Variants in MAP3K7CL observed in about 807,000 individuals in gnomAD.
MAP3K7CL encodes MAP3K7 C-terminal-like protein.
Under a neutral mutation model 18.6 loss-of-function variants are expected in MAP3K7CL, and 16 were observed. The observed-to-expected ratio is 0.86, with a 90% CI of 0.58 to 1.31. The LOEUF is 1.31. Among genes scored for constraint, MAP3K7CL ranks in the 50% most tolerant of loss-of-function variants. MAP3K7CL has a pLI of 0.00. For missense variants in MAP3K7CL, 163 were observed against 174.4 expected, an observed-to-expected ratio of 0.93 and a Z score of 0.37; for synonymous variants, 65 against 66.8, an observed-to-expected ratio of 0.97 and a Z score of 0.13.
At chr21:29,096,531 C>T (rs1224781782) in intron 4 of MAP3K7CL, among the ~76,000 whole-genome samples, 1 of 152,114 alleles carries the variant, frequency 6.6e-6, no homozygotes, top group Non-Finnish European at 1.5e-5. Flanking sequence ...GGCAATGGCT[C>T]CAGGCAGAGG....
intron 4 of MAP3K7CL, among the ~76,000 whole-genome samples, chr21:29,161,331 T>A (rs1408273360): frequency 6.6e-6 from 1 of 152,056 alleles, no homozygotes; most frequent in East Asian, 1.9e-4. Flanking sequence ...AATTTTTTTT[T>A]TACAGATGGG....
In MAP3K7CL at chr21:29,165,813, C is replaced by G. The variant is rs73350622; in HGVS notation, c.248+5757C>G. Among the ~76,000 whole-genome samples the G allele has an allele frequency of 8.6e-3, 1,313 of 152,280 alleles. 26 individuals are homozygous for G. The highest frequency in any genetic ancestry group is 0.03 in the African/African-American group (1,253 of 41,572). On this transcript the variant is annotated intron_variant, in intron 4 of 4. Transcript: ENST00000399928. ...TCTCAAACTCCTGGCCTCAAGTGAT[C>G]GGGCTGCTAAAGTGCTGGGATTACA...
intron 4 of MAP3K7CL, among the ~76,000 whole-genome samples, chr21:29,100,915 G>T (rs8133069): frequency 4.2e-4 from 64 of 151,492 alleles, no homozygotes; most frequent in African/African-American, 1.4e-3. Flanking sequence ...GGTTTCACCG[G>T]GTTAGCCAGG....
chr21:29,131,817 G>GTATATA (rs55952827), intron 1 of MAP3K7CL, among the ~76,000 whole-genome samples: 2 of 151,856 alleles, frequency 1.3e-5, no homozygotes, highest in Non-Finnish European at 2.9e-5. Flanking sequence ...AAATATACAT[G>GTATATA]TATATATATA....
chr21:29,094,390 A>G (rs560565822), intron 4 of MAP3K7CL, among the ~76,000 whole-genome samples: 3 of 152,340 alleles, frequency 2.0e-5, no homozygotes, highest in Non-Finnish European at 2.9e-5. Flanking sequence ...CTCCATCCCA[A>G]CATTTTCTGA....
chr21:29,116,825 A>G (rs1215172965), intron 4 of MAP3K7CL, among the ~76,000 whole-genome samples: 1 of 152,182 alleles, frequency 6.6e-6, no homozygotes, highest in Non-Finnish European at 1.5e-5. Context: ...AATCAGCTAT[A>G]GTTAGTCCAA....
At chr21:29,093,638 C>T (rs982317664) in intron 4 of MAP3K7CL, among the ~76,000 whole-genome samples, 12 of 151,996 alleles carry the variant, frequency 7.9e-5, no homozygotes, top group South Asian at 6.2e-4. Context: ...CCCGCCACCA[C>T]GCCGGGCTAA....
intron 4 of MAP3K7CL, among the ~76,000 whole-genome samples, chr21:29,123,387 G>A (rs923085952): frequency 2.0e-5 from 3 of 152,056 alleles, no homozygotes; most frequent in South Asian, 2.1e-4. Flanking sequence ...AATGTTATTC[G>A]CTGTCTATGA....
intron 4 of MAP3K7CL, among the ~76,000 whole-genome samples, chr21:29,098,532 A>G (rs2086163825): frequency 6.6e-6 from 1 of 152,198 alleles, no homozygotes; most frequent in South Asian, 2.1e-4. Context: ...TATTTTCTGA[A>G]TTTCCATTAC....
At chr21:29,088,467 T>C (rs1036613530) in intron 1 of MAP3K7CL, among the ~76,000 whole-genome samples, 3 of 152,212 alleles carry the variant, frequency 2.0e-5, no homozygotes, top group Non-Finnish European at 2.9e-5. Flanking sequence ...CAAATTCCCT[T>C]TCATAAGCTC....
intron 1 of MAP3K7CL, among the ~76,000 whole-genome samples, chr21:29,079,055 A>G (rs1219241199): frequency 1.3e-5 from 2 of 152,228 alleles, no homozygotes; most frequent in Admixed American, 1.3e-4. Context: ...GGAGATTGCA[A>G]TGCGAGTTGG....
rs1178531173 is a variant in MAP3K7CL, at chr21:29,175,432, A to G, written c.*540A>G. 2.6e-5 allele frequency: 4 copies of G among 152,260 alleles called. No individual in the cohort carries two copies. The highest frequency in any genetic ancestry group is 9.6e-5 in the African/African-American group (4 of 41,466). The allele number at this position is 152,260 out of a possible 1,614,324, so 9.4% of individuals were successfully genotyped here. On this transcript the variant is annotated 3_prime_UTR_variant, in exon 5 of 5. Transcript: ENST00000399928. Reference sequence around the variant, plus strand: ...TTTTTATCCTTCAATGATTGATTATACTAAGAATAAATGGTCACATATCCT... The same window carrying G: ...TTTTTATCCTTCAATGATTGATTATGCTAAGAATAAATGGTCACATATCCT...
At chr21:29,148,754 T>C (rs1025288640) in intron 2 of MAP3K7CL, among the ~76,000 whole-genome samples, 13 of 152,220 alleles carry the variant, frequency 8.5e-5, no homozygotes, top group Non-Finnish European at 1.9e-4. Flanking sequence ...CCATCACAGC[T>C]TGTGGCACTT....
At chr21:29,084,280 C>T (rs1249503767), upstream of MAP3K7CL, among the ~76,000 whole-genome samples, 1 of 151,998 alleles carries the variant, frequency 6.6e-6, no homozygotes, top group Non-Finnish European at 1.5e-5. Flanking sequence ...GACCTTCTTA[C>T]ATTACTATAT....
intron 3 of MAP3K7CL, among the ~76,000 whole-genome samples, chr21:29,157,426 T>C (rs1325193898): frequency 6.6e-6 from 1 of 152,222 alleles, no homozygotes; most frequent in Non-Finnish European, 1.5e-5. Context: ...GAAGTGGTGC[T>C]GAGTTTTATG....
intron 4 of MAP3K7CL, among the ~76,000 whole-genome samples, chr21:29,119,882 C>T (rs2086563952): frequency 6.6e-6 from 1 of 152,050 alleles, no homozygotes; most frequent in Non-Finnish European, 1.5e-5. Flanking sequence ...CCAGGCTGGT[C>T]TTGAACTTCT....
At chr21:29,120,280 C>T (rs1046941771) in intron 4 of MAP3K7CL, among the ~76,000 whole-genome samples, 1 of 151,902 alleles carries the variant, frequency 6.6e-6, no homozygotes, top group African/African-American at 2.4e-5. Context: ...ATCTTTGGCA[C>T]CAATGAAAAG....
chr21:29,115,489 C>T (rs2146572867), intron 4 of MAP3K7CL, among the ~76,000 whole-genome samples: 1 of 152,302 alleles, frequency 6.6e-6, no homozygotes, highest in South Asian at 2.1e-4. Context: ...CCAGAGTTAT[C>T]CCTGAGTGCA....
chr21:29,096,532 C>T (rs2086125121), intron 4 of MAP3K7CL, among the ~76,000 whole-genome samples: 2 of 152,158 alleles, frequency 1.3e-5, no homozygotes, highest in African/African-American at 4.8e-5. Context: ...GCAATGGCTC[C>T]AGGCAGAGGG....
Sources: allele counts gnomAD v4.1 joint callset (sites outside exome capture counted in the v4.1 genomes callset), GRCh38; gene constraint gnomAD v4.1.1; transcripts MANE v1.5; gene names NCBI Gene and HGNC (gene_info 2026-07-23, HGNC 2026-07-21).